RYR3: variants seen among roughly 807,000 people sequenced by gnomAD.
The protein encoded by RYR3 is brain ryanodine receptor-calcium release channel.
RYR3 carries 207 observed loss-of-function variants against 584.3 expected under a neutral mutation model. The ratio of observed to expected loss-of-function variants is 0.35; its 90% CI spans 0.32 to 0.40. The LOEUF is 0.40. Ranked by LOEUF, RYR3 falls within the 10% of genes least tolerant of loss-of-function variation. RYR3 has a pLI of 1.00. For missense variants in RYR3, 5,616 were observed against 6,089.2 expected (o/e 0.92, Z 2.59); for synonymous variants, 2,416 against 2,248.5 (o/e 1.07, Z -2.11).
At chr15:33,765,230 T>A (rs552183886) in intron 60 of RYR3, among the ~76,000 whole-genome samples, 47 of 152,218 alleles carry the variant, frequency 3.1e-4, no homozygotes, top group African/African-American at 1.1e-3. Context: ...TAGGTCATGA[T>A]TGGGCTAAAA....
At chr15:33,341,846 T>C (rs1051452306) in intron 1 of RYR3, among the ~76,000 whole-genome samples, 1 of 128,786 alleles carries the variant, frequency 7.8e-6, no homozygotes, top group Non-Finnish European at 1.7e-5. Context: ...GTAGAAAAAA[T>C]TAAAAAAAAA....
intron 102 of RYR3, 90 bp from the exon 103 acceptor site, chr15:33,864,048 T>C: frequency 2.2e-6 from 2 of 925,382 alleles, no homozygotes; most frequent in South Asian, 1.5e-5. Flanking sequence ...TGGGACCAAC[T>C]AGCCTTTCTG....
intron 36 of RYR3, among the ~76,000 whole-genome samples, chr15:33,667,623 A>G (rs2063557212): frequency 6.6e-6 from 1 of 152,118 alleles, no homozygotes; most frequent in African/African-American, 2.4e-5. Flanking sequence ...TTTGATTTCT[A>G]TAGTTTTGAT....
At chr15:33,780,835 T>C (rs572927873) in intron 65 of RYR3, among the ~76,000 whole-genome samples, 3 of 152,332 alleles carry the variant, frequency 2.0e-5, no homozygotes, top group Non-Finnish European at 4.4e-5. Context: ...GAAGAGAAAG[T>C]GTACAAGAAA....
intron 67 of RYR3, among the ~76,000 whole-genome samples, chr15:33,793,433 G>A (rs536043829): frequency 5.3e-5 from 8 of 152,218 alleles, no homozygotes; most frequent in African/African-American, 1.9e-4. Context: ...CATGTGCTTG[G>A]TCTTTCTGGT....
chr15:33,353,773 A>AT (rs755482702), intron 1 of RYR3, among the ~76,000 whole-genome samples: 31 of 151,514 alleles, frequency 2.0e-4, no homozygotes, highest in African/African-American at 6.1e-4. Flanking sequence ...TCTAATGGTG[A>AT]TTTTTTTTTC....
In RYR3 at chr15:33,566,739, A is replaced by C. The variant is rs754448693; in HGVS notation, c.1208A>C (p.Glu403Ala). Residue 403 changes from glutamate to alanine, a missense_variant, in exon 12 of 104, where the codon GAG becomes GCG. Transcript: ENST00000634891. ...TTAACACTGCAGAGATGCCAGCGTG[A>C]GGAGTCCCAGGCTGCTCGGATCATC... ...DGLTLQRCQR[E>A]ESQAARIIRN... The C allele has an allele frequency of 1.2e-5, 19 of 1,613,616 alleles. No individual in the cohort carries two copies. Among genetic ancestry groups the C allele is most frequent in the Non-Finnish European group, 1.6e-5 (19 of 1,179,662 alleles).
intron 28 of RYR3, among the ~76,000 whole-genome samples, chr15:33,646,080 C>A (rs185818012): frequency 6.6e-6 from 1 of 152,216 alleles, no homozygotes; most frequent in Non-Finnish European, 1.5e-5. Context: ...ATGCCACCCC[C>A]CTCTGGCATT....
intron 1 of RYR3, among the ~76,000 whole-genome samples, chr15:33,371,487 T>C (rs1321683066): frequency 6.6e-6 from 1 of 152,216 alleles, no homozygotes; most frequent in Admixed American, 6.5e-5. Flanking sequence ...CATACATTGA[T>C]AAGCACTTTC....
chr15:33,709,315 A>G (rs2066933130), intron 43 of RYR3, among the ~76,000 whole-genome samples: 1 of 152,204 alleles, frequency 6.6e-6, no homozygotes, highest in Non-Finnish European at 1.5e-5. Flanking sequence ...AGGAGATCAG[A>G]AAAGGCCTAA....
At chr15:33,747,914 C>T (rs2070904564) in intron 53 of RYR3, among the ~76,000 whole-genome samples, 200 bp from the exon 54 acceptor site, 1 of 152,130 alleles carries the variant, frequency 6.6e-6, no homozygotes, top group African/African-American at 2.4e-5. Context: ...GCAGGAAAGA[C>T]CGTAGGGTCT....
chr15:33,383,354 AG>A (rs1279569594), intron 1 of RYR3, among the ~76,000 whole-genome samples: 2 of 149,804 alleles, frequency 1.3e-5, no homozygotes, highest in Admixed American at 6.7e-5. Context: ...AAATGAATGC[AG>A]TTTTGAGATA....
Position 33,755,054 on chromosome 15 carries a change from G to A in RYR3, c.8400-11G>A, listed in dbSNP as rs757341876. ...CTGTTACTTCCTGGGGTCTGTCCAT[G>A]TCCAACGTAGGGGTATGAAGGATAT... On this transcript the variant is annotated splice_polypyrimidine_tract_variant and intron_variant, in intron 57 of 103. Coordinates refer to ENST00000634891, the MANE Select transcript of RYR3 (RefSeq NM_001036.6). 54 of 1,531,834 alleles carry A rather than the reference G, an allele frequency of 3.5e-5. 1 individual carries two copies. Among genetic ancestry groups the A allele is most frequent in the Middle Eastern group, 3.4e-4 (2 of 5,926 alleles). The allele number at this position is 1,531,834 out of a possible 1,614,324, so 94.9% of individuals were successfully genotyped here. A position where few individuals can be genotyped will look rare whatever the true frequency, so the allele number is the denominator to read the frequency against.
At chr15:33,444,429 T>C (rs759477668) in intron 1 of RYR3, among the ~76,000 whole-genome samples, 14 of 152,226 alleles carry the variant, frequency 9.2e-5, no homozygotes, top group Non-Finnish European at 1.9e-4. Flanking sequence ...TAGACCCTAC[T>C]CCTTGGTTAT....
intron 2 of RYR3, among the ~76,000 whole-genome samples, chr15:33,489,099 C>A (rs1193725503): frequency 2.0e-5 from 3 of 152,154 alleles, no homozygotes; most frequent in Non-Finnish European, 4.4e-5. Flanking sequence ...ACCTCTCAGG[C>A]CTGAATTTTG....
intron 82 of RYR3, 42 bp from the exon 83 acceptor site, chr15:33,826,210 G>T (rs1178004369): frequency 3.7e-6 from 6 of 1,601,670 alleles, no homozygotes; most frequent in Non-Finnish European, 5.1e-6. Flanking sequence ...GATGTTTACA[G>T]TTTTCTTACT....
At chr15:33,781,411 C>T (rs900095792) in intron 65 of RYR3, among the ~76,000 whole-genome samples, 2 of 152,196 alleles carry the variant, frequency 1.3e-5, no homozygotes, top group African/African-American at 4.8e-5. Context: ...TTGCTATACA[C>T]TACCAGTAGA....
chr15:33,488,532 G>T lies in RYR3; in HGVS notation c.171+14994G>T, dbSNP rs1361870969. The stretch of plus-strand genomic sequence containing the variant: ...GGAAGAAGAAATAAAATGGTATATT[G>T]TGTTTGTGTTAGAACTTGACTTTTA... On this transcript the variant is annotated intron_variant, in intron 2 of 103. Transcript: ENST00000634891. Among the ~76,000 whole-genome samples, 142 of 145,944 alleles carry T rather than the reference G, an allele frequency of 9.7e-4. 2 individuals are homozygous for T. The Admixed American group carries it at 9.8e-3, about 10-fold the overall frequency.
intron 19 of RYR3, among the ~76,000 whole-genome samples, chr15:33,616,772 T>C (rs1290742497): frequency 1.3e-5 from 2 of 152,190 alleles, no homozygotes; most frequent in African/African-American, 2.4e-5. Context: ...AGCTCTGATA[T>C]ATTCCTGGCT....
Sources: gnomAD v4.1 joint callset for allele counts (sites outside exome capture counted in the v4.1 genomes callset) on GRCh38, gnomAD v4.1.1 for gene constraint, MANE v1.5 for transcripts, NCBI Gene and HGNC (gene_info 2026-07-23, HGNC 2026-07-21) for gene names.